RYR3: variants seen among roughly 807,000 people sequenced by gnomAD.
The protein encoded by RYR3 is brain ryanodine receptor-calcium release channel.
A neutral mutation model predicts 584.3 loss-of-function variants in RYR3; 207 were observed. The ratio of observed to expected loss-of-function variants is 0.35; its 90% confidence interval spans 0.32 to 0.40. The LOEUF (loss-of-function observed/expected upper bound fraction) is 0.40. RYR3 is among the 10% of genes least tolerant of loss of function. RYR3 has a pLI of 1.00. For missense variants in RYR3, 5,616 were observed against 6,089.2 expected (o/e 0.92, Z 2.59); for synonymous variants, 2,416 against 2,248.5 (o/e 1.07, Z -2.11).
intron 32 of RYR3, among the ~76,000 whole-genome samples, chr15:33,656,211 G>T (rs923864550): frequency 2.0e-5 from 3 of 152,190 alleles, no homozygotes; most frequent in South Asian, 4.1e-4. Context: ...GTCCATTATT[G>T]CAAGGACAAA....
At chr15:33,843,986 G>A (rs2078550713) in intron 92 of RYR3, among the ~76,000 whole-genome samples, 1 of 152,188 alleles carries the variant, frequency 6.6e-6, no homozygotes, top group Non-Finnish European at 1.5e-5. Context: ...AACAGGATTT[G>A]GAAAGAGAGG....
chr15:33,841,805 CT>C, intron 90 of RYR3, 58 bp from the exon 91 acceptor site: 1 of 1,520,492 alleles, frequency 6.6e-7, no homozygotes, highest in Non-Finnish European at 8.8e-7. Context: ...TCTAGTCTCC[CT>C]TTTTGGGCCA....
At position 33,635,671 on chromosome 15, in the gene RYR3, G is replaced by A. The variant is rs754630341; in HGVS notation, c.3233G>A (p.Arg1078Gln). The A allele has an allele frequency of 8.1e-6, 13 of 1,613,868 alleles. No individual in the cohort carries two copies. Among genetic ancestry groups the A allele is most frequent in the Middle Eastern group, 3.3e-4 (2 of 6,084 alleles). ...AAGATCCGATTTTTCCGGGTAGAGC[G>A]ATCTTATGCAGTGAGATCTGGAAAG... ...IDKIRFFRVE[R>Q]SYAVRSGKWY... is the part of the protein sequence containing the mutation. The change falls in exon 26 of 104, where the codon CGA becomes CAA. Residue 1078 changes from arginine (R) to glutamine (Q), a missense_variant. Arg to Gln is a conservative substitution (Grantham distance 43, BLOSUM62 1). Transcript: ENST00000634891.
chr15:33,721,577 T>TAA (rs1208722358), intron 43 of RYR3, among the ~76,000 whole-genome samples: 2 of 152,168 alleles, frequency 1.3e-5, no homozygotes, highest in Non-Finnish European at 2.9e-5. Flanking sequence ...TTCCAGTACA[T>TAA]AACATCAAAG....
chr15:33,581,000 CT>C (rs887785146), intron 13 of RYR3, among the ~76,000 whole-genome samples: 1 of 125,562 alleles, frequency 8.0e-6, no homozygotes, highest in African/African-American at 3.0e-5. Flanking sequence ...GTTGAAGATC[CT>C]CTTGTACTGC....
chr15:33,853,056 A>T lies in RYR3; in HGVS notation c.13640A>T (p.Asn4547Ile). 1.2e-6 allele frequency: 2 copies of T among 1,606,992 alleles called. No individual in the cohort carries two copies. The highest frequency in any genetic ancestry group is 2.2e-5 in the South Asian group (2 of 89,268). The part of the protein sequence containing the change: ...RLVINTPSFP[N>I]NYWDKFVKRK... ...GTTTTGTTTTTCAGATCTTTTCCTA[A>T]TAACTACTGGGACAAGTTTGTAAAG... The change falls in exon 95 of 104, where the codon AAT becomes ATT. Residue 4547 changes from asparagine to isoleucine, a missense_variant. Asn to Ile is a moderately radical substitution (Grantham distance 149). Around this residue, in one of 9 missense-constraint regions of RYR3, gnomAD observed 918 missense variants for 887.4 expected, o/e 1.03. Coordinates refer to ENST00000634891, the MANE Select transcript of RYR3 (RefSeq NM_001036.6).
intron 8 of RYR3, among the ~76,000 whole-genome samples, chr15:33,544,975 T>C (rs2056126780): frequency 1.3e-5 from 2 of 152,178 alleles, no homozygotes; most frequent in Non-Finnish European, 1.5e-5. Flanking sequence ...TTATTCAATA[T>C]TGAAACTATA....
chr15:33,373,467 C>A (rs1339979126), intron 1 of RYR3, among the ~76,000 whole-genome samples: 1 of 152,128 alleles, frequency 6.6e-6, no homozygotes, highest in Non-Finnish European at 1.5e-5. Context: ...ATTATGTATG[C>A]AAAGGGTCTG....
chr15:33,631,236 T>C lies in RYR3; in HGVS notation c.2810T>C (p.Ile937Thr). Residue 937 changes from isoleucine (I) to threonine (T), a missense_variant, in exon 23 of 104, where the codon ATT (isoleucine) becomes ACT (threonine). By Grantham distance (89) the Ile-to-Thr change is moderately conservative (BLOSUM62 -1). Transcript: ENST00000634891. ...LKTLLALGCHIAHVNPAAEED... is the reference protein window; with the variant it reads ...LKTLLALGCHTAHVNPAAEED... ...ACCCTCTTGGCCCTGGGGTGCCACA[T>C]TGCTCATGTTAACCCAGCTGCTGAG... 6.3e-7 allele frequency: 1 copy of C among 1,591,218 alleles called. No individual in the cohort carries two copies. The highest frequency in any genetic ancestry group is 1.8e-5 in the Admixed American group (1 of 56,904).
In RYR3 at chr15:33,865,522, G is replaced by C. The variant is rs966451655; in HGVS notation, c.*296G>C. The C allele has an allele frequency of 1.5e-5, 5 of 327,056 alleles. No homozygotes were observed. Among genetic ancestry groups the C allele is most frequent in the Non-Finnish European group, 2.8e-5 (5 of 177,762 alleles). 20.3% of individuals were successfully genotyped at this position (327,056 alleles called of 1,614,324 possible). Reference sequence around the variant, plus strand: ...CTGAGGTAACTAGTTCAGTTTGTTGGGATGGAAGCATGAAGGAAAGGGCTA... The same window carrying C: ...CTGAGGTAACTAGTTCAGTTTGTTGCGATGGAAGCATGAAGGAAAGGGCTA... On this transcript the variant is annotated 3_prime_UTR_variant, in exon 104 of 104. Coordinates refer to ENST00000634891, the MANE Select transcript of RYR3 (RefSeq NM_001036.6).
At chr15:33,546,926 C>G (rs931747119) in intron 8 of RYR3, among the ~76,000 whole-genome samples, 1 of 152,142 alleles carries the variant, frequency 6.6e-6, no homozygotes, top group Non-Finnish European at 1.5e-5. Context: ...AAATTCTCTA[C>G]GGTGGAGGTA....
chr15:33,793,853 A>G (rs959243676), intron 67 of RYR3, among the ~76,000 whole-genome samples: 6 of 149,648 alleles, frequency 4.0e-5, no homozygotes, highest in African/African-American at 1.2e-4. Flanking sequence ...AAAATAACCT[A>G]ATTAAGATTA....
intron 43 of RYR3, among the ~76,000 whole-genome samples, chr15:33,708,294 G>A (rs1299328499): frequency 1.3e-5 from 2 of 152,154 alleles, no homozygotes; most frequent in Non-Finnish European, 2.9e-5. Context: ...TAAATAGATT[G>A]TTTGCAGACA....
intron 86 of RYR3, among the ~76,000 whole-genome samples, chr15:33,832,967 C>A (rs1408443904): frequency 1.3e-5 from 2 of 148,622 alleles, no homozygotes; most frequent in Non-Finnish European, 3.0e-5. Flanking sequence ...GAGATTGCAC[C>A]TTTGCACTCC....
In RYR3 at chr15:33,632,955, G is replaced by A. The variant is rs866501524; in HGVS notation, c.2874G>A (p.Met958Ile). Residue 958 changes from methionine (M) to isoleucine (I), a missense_variant, in exon 24 of 104, where the codon ATG (methionine) becomes ATA (isoleucine). Physicochemically the swap from Met to Ile is conservative, Grantham distance 10. Transcript: ENST00000634891. ...CTTTTACATTTACTTGTAGCTATAT[G>A]ATGTCCAACGGCTATAAGCCAGCCC... The part of the protein sequence containing the change: ...LKKVKLPKNY[M>I]MSNGYKPAPL... 1 of 1,611,932 alleles carries A rather than the reference G, an allele frequency of 6.2e-7. No homozygotes were observed. The highest frequency in any genetic ancestry group is 8.5e-7 in the Non-Finnish European group (1 of 1,178,908).
In RYR3 at chr15:33,449,637, G is replaced by T. The variant is rs183822872; in HGVS notation, c.52-23782G>T. ...GTAACAGTGTCGTGTGTTGTCCCATGCTGAATATAAAAATAACACAAATGC... is the reference window on the plus strand; with the variant it reads ...GTAACAGTGTCGTGTGTTGTCCCATTCTGAATATAAAAATAACACAAATGC... On this transcript the variant is annotated intron_variant, in intron 1 of 103. Coordinates refer to ENST00000634891, the MANE Select transcript of RYR3 (RefSeq NM_001036.6). Among the ~76,000 whole-genome samples the T allele has an allele frequency of 1.1e-4, 17 of 152,272 alleles. No homozygotes were observed. In the East Asian group the frequency reaches 3.3e-3, roughly 29 times the overall value.
intron 5 of RYR3, among the ~76,000 whole-genome samples, chr15:33,536,455 G>A (rs1336712959): frequency 6.6e-6 from 1 of 152,182 alleles, no homozygotes; most frequent in African/African-American, 2.4e-5. Flanking sequence ...GGAAAGAAAT[G>A]TTTAAAGCAT....
rs373505953 is a variant in RYR3, at chr15:33,857,827, T to C, written c.14055T>C (p.Thr4685=). The C allele has an allele frequency of 6.2e-6, 10 of 1,614,094 alleles. No individual in the cohort carries two copies. Among genetic ancestry groups the C allele is most frequent in the African/African-American group, 4.0e-5 (3 of 74,942 alleles). The part of the protein sequence containing the change: ...GLLAVVVYLY[T]VVAFNFFRKF... ...TGGCCGTGGTGGTTTATCTCTATACTGTGGTGGCTTTCAACTTCTTCCGCA... is the reference window on the plus strand; with the variant it reads ...TGGCCGTGGTGGTTTATCTCTATACCGTGGTGGCTTTCAACTTCTTCCGCA... The change falls in exon 99 of 104, where the codon ACT becomes ACC. Residue 4685 remains threonine, a synonymous_variant. Coordinates refer to ENST00000634891, the MANE Select transcript of RYR3 (RefSeq NM_001036.6).
intron 1 of RYR3, 68 bp from the exon 2 acceptor site, chr15:33,473,351 G>A (rs939270740): frequency 6.2e-7 from 1 of 1,602,674 alleles, no homozygotes; most frequent in African/African-American, 1.3e-5. Context: ...CTCAGGTACA[G>A]GAAGGTGACT....
Sources: gnomAD v4.1 joint callset for allele counts (sites outside exome capture counted in the v4.1 genomes callset) on GRCh38, gnomAD v4.1.1 for gene constraint, gnomAD v4.1.1 regional missense constraint, MANE v1.5 for transcripts, NCBI Gene and HGNC (gene_info 2026-07-23, HGNC 2026-07-21) for gene names.